Variants in RBFOX1 observed in about 807,000 individuals in gnomAD.
The protein encoded by RBFOX1 is RNA binding protein fox-1 homolog 1.
In RBFOX1, 8 loss-of-function variants were observed where a neutral mutation model predicts 57.7. That is an observed-to-expected ratio of 0.14 (90% CI 0.08 to 0.25). The LOEUF is 0.25. RBFOX1 is among the 10% of genes least tolerant of loss of function. The probability of loss-of-function intolerance (pLI) is 1.00; values close to 1 mark genes in which losing one functional copy is unlikely to be tolerated. For synonymous variants in RBFOX1, 326 were observed against 222.4 expected (o/e 1.47, Z -4.15); for missense variants, 611 against 548.5 (o/e 1.11, Z -1.14).
chr16:6,642,721 G>A (rs901954076), intron 2 of RBFOX1, among the ~76,000 whole-genome samples: 2 of 152,144 alleles, frequency 1.3e-5, no homozygotes, highest in African/African-American at 4.8e-5. Flanking sequence ...ATAATAGTTT[G>A]GTTGGGGATC....
chr16:7,367,991 G>T (rs2097491792), intron 4 of RBFOX1, among the ~76,000 whole-genome samples: 1 of 152,012 alleles, frequency 6.6e-6, no homozygotes, highest in South Asian at 2.1e-4. Context: ...AGAGAGCCAG[G>T]CATGGTGTCT....
At chr16:6,312,034 T>C (rs2152764662) in intron 1 of RBFOX1, among the ~76,000 whole-genome samples, 1 of 152,326 alleles carries the variant, frequency 6.6e-6, no homozygotes, top group South Asian at 2.1e-4. Context: ...TCATAATCCC[T>C]GATGTGATCA....
chr16:6,802,630 T>C (rs1156576007), intron 3 of RBFOX1, among the ~76,000 whole-genome samples: 1 of 152,186 alleles, frequency 6.6e-6, no homozygotes, highest in African/African-American at 2.4e-5. Flanking sequence ...TGAGTTGAGA[T>C]TGTGCTACTG....
chr16:6,272,903 CA>C (rs1164116293), intron 1 of RBFOX1, among the ~76,000 whole-genome samples: 1 of 152,040 alleles, frequency 6.6e-6, no homozygotes, highest in East Asian at 1.9e-4. Flanking sequence ...ACATTTTATA[CA>C]AAAAAGGCTC....
rs71145245 is a variant in RBFOX1 at position 6,542,483 on chromosome 16, C to CTTTTTTTTTTTTTTTTTTT, written c.-63-112114_-63-112096dup. Among the ~76,000 whole-genome samples the CTTTTTTTTTTTTTTTTTTT allele has an allele frequency of 1.8e-4, 10 of 55,730 alleles. 3 individuals are homozygous for CTTTTTTTTTTTTTTTTTTT. The highest frequency in any genetic ancestry group is 1.2e-3 in the East Asian group (2 of 1,648). 36.6% of individuals were successfully genotyped at this position (55,730 alleles called of 152,430 possible). On this transcript the variant is annotated intron_variant, in intron 2 of 15. Transcript: ENST00000550418. ...CCACTGCCCTGTGTGGGACCATAGT[C>CTTTTTTTTTTTTTTTTTTT]TTTTTTTTTTTTTTTTTTTTTTTTG...
intron 4 of RBFOX1, among the ~76,000 whole-genome samples, chr16:7,319,992 A>G (rs1183974149): frequency 1.3e-5 from 2 of 152,186 alleles, no homozygotes; most frequent in East Asian, 1.9e-4. Context: ...AGCAGAACAT[A>G]TCTTCTAGGA....
chr16:6,935,595 A>G (rs536705314), intron 3 of RBFOX1, among the ~76,000 whole-genome samples: 3 of 152,256 alleles, frequency 2.0e-5, no homozygotes, highest in South Asian at 2.1e-4. Context: ...TCTGTGACCT[A>G]TCCCCATTGT....
At chr16:6,259,886 G>A (rs1197868695) in intron 1 of RBFOX1, among the ~76,000 whole-genome samples, 1 of 151,134 alleles carries the variant, frequency 6.6e-6, no homozygotes, top group South Asian at 2.1e-4. Context: ...GCTTGAACCC[G>A]AGAGATGGAG....
chr16:7,045,865 C>T (rs1171940337), intron 3 of RBFOX1, among the ~76,000 whole-genome samples: 3 of 152,036 alleles, frequency 2.0e-5, no homozygotes, highest in Non-Finnish European at 4.4e-5. Context: ...ACCATGTTGG[C>T]CAGGTTCTTC....
intron 3 of RBFOX1, among the ~76,000 whole-genome samples, chr16:6,999,467 C>T (rs1399922948): frequency 6.6e-6 from 1 of 151,372 alleles, no homozygotes; most frequent in African/African-American, 2.4e-5. Context: ...CGGAGTCTTG[C>T]TCTGTCACCC....
intron 4 of RBFOX1, among the ~76,000 whole-genome samples, chr16:7,297,298 C>T (rs370058016): frequency 6.6e-6 from 1 of 152,184 alleles, no homozygotes; most frequent in Non-Finnish European, 1.5e-5. Flanking sequence ...GAGAATGAGA[C>T]ATAACTGGGT....
At chr16:7,176,793 C>A (rs2081749325) in intron 4 of RBFOX1, among the ~76,000 whole-genome samples, 1 of 151,926 alleles carries the variant, frequency 6.6e-6, no homozygotes, top group East Asian at 1.9e-4. Flanking sequence ...TATGTACTTA[C>A]CTATACACAT....
intron 1 of RBFOX1, among the ~76,000 whole-genome samples, chr16:6,091,746 G>T (rs2096177995): frequency 1.3e-5 from 2 of 152,156 alleles, no homozygotes; most frequent in Admixed American, 1.3e-4. Flanking sequence ...TGGGAGAATT[G>T]CTTGAACCTG....
intron 4 of RBFOX1, among the ~76,000 whole-genome samples, chr16:5,974,235 G>A (rs2060017565): frequency 6.6e-6 from 1 of 152,176 alleles, no homozygotes; most frequent in South Asian, 2.1e-4. Flanking sequence ...TGTTGCATTT[G>A]GAACTGCAAA....
chr16:7,515,059 A>G (rs1466989172), intron 4 of RBFOX1, among the ~76,000 whole-genome samples: 3 of 152,106 alleles, frequency 2.0e-5, no homozygotes, highest in Non-Finnish European at 4.4e-5. Flanking sequence ...AAGGTTGGGG[A>G]GGCAGAAACA....
In RBFOX1 at chr16:5,948,652, T is replaced by C. The variant is rs576157995; in HGVS notation, c.351+81317T>C. Reference sequence around the variant, plus strand: ...GACACAGCTGAAATTCAAGGAATGCTGCAGATTTCCAGCAGCAACAAGAAA... The same window carrying C: ...GACACAGCTGAAATTCAAGGAATGCCGCAGATTTCCAGCAGCAACAAGAAA... On this transcript the variant is annotated intron_variant, in intron 4 of 19. Coordinates refer to the RBFOX1 transcript ENST00000641259. Among the ~76,000 whole-genome samples, 243 of 152,318 alleles carry C rather than the reference T, an allele frequency of 1.6e-3. 3 individuals are homozygous for C. Among genetic ancestry groups the C allele is most frequent in the Non-Finnish European group, 2.6e-3 (180 of 68,024 alleles).
intron 3 of RBFOX1, among the ~76,000 whole-genome samples, chr16:6,880,570 C>T (rs1279923424): frequency 6.6e-6 from 1 of 152,026 alleles, no homozygotes; most frequent in Admixed American, 6.5e-5. Context: ...TCGGAGAAGG[C>T]CAGAATCTGT....
In RBFOX1 at chr16:5,817,217, TC is replaced by T. The variant is rs576530743; in HGVS notation, c.319-50085del. Among the ~76,000 whole-genome samples the T allele has an allele frequency of 2.0e-4, 30 of 152,304 alleles. No homozygotes were observed. The South Asian group carries it at 6.0e-3, about 31-fold the overall frequency. On this transcript the variant is annotated intron_variant, in intron 3 of 19. Transcript: ENST00000641259. ...TTGTGTGTGTGTTGGGGTGTGCACT[TC>T]TAGGAGCAGCCATGTTTCTATTACG... is the stretch of plus-strand genomic sequence containing the variant.
At chr16:7,230,515 G>A (rs1031369727) in intron 4 of RBFOX1, among the ~76,000 whole-genome samples, 2 of 152,138 alleles carry the variant, frequency 1.3e-5, no homozygotes, top group African/African-American at 2.4e-5. Context: ...CAGGCATGAT[G>A]AAGCACTGCT....
Sources: gnomAD v4.1 joint callset for allele counts (sites outside exome capture counted in the v4.1 genomes callset) on GRCh38, gnomAD v4.1.1 for gene constraint, MANE v1.5 for transcripts, NCBI Gene and HGNC (gene_info 2026-07-23, HGNC 2026-07-21) for gene names.